Variants in TSPOAP1 observed in about 807,000 individuals in gnomAD.
The protein encoded by TSPOAP1 is TSPO associated protein 1, also known as peripheral-type benzodiazepine receptor-associated protein 1.
Under a neutral mutation model 197.0 loss-of-function variants are expected in TSPOAP1, and 87 were observed. The ratio of observed to expected loss-of-function variants is 0.44; its 90% confidence interval spans 0.37 to 0.53. TSPOAP1 has a LOEUF of 0.53. Among genes scored for constraint, TSPOAP1 ranks in the 20% least tolerant of loss-of-function variants. TSPOAP1 has a pLI of 0.00. For missense variants in TSPOAP1, 2,174 were observed against 2,411.3 expected (o/e 0.90, Z 2.06); for synonymous variants, 913 against 998.9 (o/e 0.91, Z 1.62).
intron 16 of TSPOAP1, among the ~76,000 whole-genome samples, chr17:58,314,930 C>T (rs1306367540): frequency 2.0e-5 from 3 of 152,328 alleles, no homozygotes; most frequent in South Asian, 4.1e-4. Context: ...CGGCATCTTG[C>T]CCCCGGTGGC....
chr17:58,312,463 G>A lies in TSPOAP1; in HGVS notation c.2358C>T (p.Gly786=), dbSNP rs750353041. 2.9e-5 allele frequency: 47 copies of A among 1,611,364 alleles called. 1 individual carries two copies. The South Asian group carries it at 4.5e-4, about 15-fold the overall frequency. ...GGGGGTAAGGCACGGCAGGAGGCTCGCCCAGGCCCTCCGGTGATGGGCTCA... is the reference window on the plus strand; with the variant it reads ...GGGGGTAAGGCACGGCAGGAGGCTCACCCAGGCCCTCCGGTGATGGGCTCA... ...LSLSPSPEGL[G]EPPAVPYPRR... The change falls in exon 17 of 32, where the codon GGC becomes GGT. Residue 786 remains glycine, a synonymous_variant. Transcript: ENST00000343736.
In TSPOAP1 at chr17:58,311,918, G is replaced by A; in HGVS notation, c.2903C>T (p.Thr968Ile). 1 of 1,563,628 alleles carries A rather than the reference G, an allele frequency of 6.4e-7. No homozygotes were observed. Among genetic ancestry groups the A allele is most frequent in the Non-Finnish European group, 8.7e-7 (1 of 1,154,702 alleles). ...GWERLEQRAA[T>I]LQFTTLPAGP... ...TGCTGGGAGTGTGGTGAACTGCAGG[G>A]TGGCAGCCCGCTGCTCCAGCCTCTC... The change falls in exon 17 of 32, where the codon ACC (threonine) becomes ATC (isoleucine). Residue 968 changes from threonine (T) to isoleucine (I), a missense_variant. Physicochemically the swap from Thr to Ile is moderately conservative, Grantham distance 89. Around this residue, in one of 5 missense-constraint regions of TSPOAP1, gnomAD observed 1,933 missense variants for 2,139.0 expected, o/e 0.90. Transcript: ENST00000343736.
At position 58,325,670 on chromosome 17, in the gene TSPOAP1, C is replaced by A; in HGVS notation, c.614G>T (p.Cys205Phe). Residue 205 changes from cysteine (C) to phenylalanine (F), a missense_variant, in exon 4 of 32, where the codon TGT becomes TTT. Cys to Phe is a radical substitution (Grantham distance 205). This residue lies in a region of TSPOAP1 where 1,933 missense variants were observed against 2,139.0 expected (regional missense o/e 0.90). Coordinates refer to ENST00000343736, the MANE Select transcript of TSPOAP1 (RefSeq NM_004758.4). ...LPRPGTSLEL[C>F]RKALARQRAR... Reference sequence around the variant, plus strand: ...TCGCTGGCGGGCTAGGGCCTTCCGACACAACTCCAAGCTGGTCCCCGGCCG... The same window carrying A: ...TCGCTGGCGGGCTAGGGCCTTCCGAAACAACTCCAAGCTGGTCCCCGGCCG... The A allele has an allele frequency of 6.2e-7, 1 of 1,612,964 alleles. No individual in the cohort carries two copies. The highest frequency in any genetic ancestry group is 8.5e-7 in the Non-Finnish European group (1 of 1,179,914).
chr17:58,324,795 T>G lies in TSPOAP1; in HGVS notation c.942+16A>C. On this transcript the variant is annotated intron_variant, in intron 5 of 31. Transcript: ENST00000343736. This position sits in a 1 kb window ranked among gnomAD's most constrained non-coding sequence, Gnocchi z 5.8. The stretch of plus-strand genomic sequence containing the variant: ...TCTGCACGCACCCACACACCTGCCC[T>G]TGCGCCGGCGCTCACCTCTCCCGGG... The G allele has an allele frequency of 6.9e-7, 1 of 1,445,822 alleles. No homozygotes were observed. Among genetic ancestry groups the G allele is most frequent in the South Asian group, 1.4e-5 (1 of 71,342 alleles). The allele number at this position is 1,445,822 out of a possible 1,614,324, so 89.6% of individuals were successfully genotyped here. A position where few individuals can be genotyped will look rare whatever the true frequency, so the allele number is the denominator to read the frequency against.
Position 58,322,209 on chromosome 17 carries a change from G to A in TSPOAP1, c.1422+99C>T, listed in dbSNP as rs764599319. Reference sequence around the variant, plus strand: ...CTTTGTTCCCCACAGTCTCCCCGACGCCTAGCACAGTGCCGGGCACACAGT... The same window carrying A: ...CTTTGTTCCCCACAGTCTCCCCGACACCTAGCACAGTGCCGGGCACACAGT... On this transcript the variant is annotated intron_variant, in intron 10 of 31. Coordinates refer to ENST00000343736, the MANE Select transcript of TSPOAP1 (RefSeq NM_004758.4). The surrounding 1 kb of genome is among the most constrained non-coding windows in gnomAD (Gnocchi z 5.0). 1.1e-5 allele frequency: 14 copies of A among 1,232,852 alleles called. 1 individual carries two copies. The highest frequency in any genetic ancestry group is 9.2e-5 in the South Asian group (7 of 75,754). 76.4% of individuals were successfully genotyped at this position (1,232,852 alleles called of 1,614,324 possible).
Position 58,304,213 on chromosome 17 carries a change from C to A in TSPOAP1, c.*32+125G>T. On this transcript the variant is annotated intron_variant, in intron 31 of 31. Coordinates refer to ENST00000343736, the MANE Select transcript of TSPOAP1 (RefSeq NM_004758.4). This position sits in a 1 kb window ranked among gnomAD's most constrained non-coding sequence, Gnocchi z 4.2. ...CAAATCTGGCTCATGGCAAGCTCTC[C>A]TTCGCCATTCCCTGGACTACAGTGG... 1.3e-6 allele frequency: 1 copy of A among 771,566 alleles called. No homozygotes were observed. The highest frequency in any genetic ancestry group is 2.2e-6 in the Non-Finnish European group (1 of 462,844). The allele number at this position is 771,566 out of a possible 1,614,324, so 47.8% of individuals were successfully genotyped here.
At chr17:58,310,422 G>T in intron 20 of TSPOAP1, 90 bp downstream of exon 20, 1 of 1,551,342 alleles carries the variant, frequency 6.4e-7, no homozygotes, top group Non-Finnish European at 8.8e-7. Context: ...CAGAGGACAG[G>T]CAGAGAGGGC....
In TSPOAP1 at chr17:58,326,808, C is replaced by T; in HGVS notation, c.334-18G>A. 3.1e-6 allele frequency: 5 copies of T among 1,609,636 alleles called. No homozygotes were observed. The highest frequency in any genetic ancestry group is 1.1e-5 in the South Asian group (1 of 90,994). On this transcript the variant is annotated intron_variant, in intron 1 of 31. Transcript: ENST00000343736. The surrounding 1 kb of genome is among the most constrained non-coding windows in gnomAD (Gnocchi z 4.7). ...AGCTTGGCCTGGCATGGGAAAGGAC[C>T]GAGGACAGCACCTCAGAAACCCACG...
Position 58,304,467 on chromosome 17 carries a change from A to T in TSPOAP1, c.5545-68T>A. 8.0e-6 allele frequency: 11 copies of T among 1,375,564 alleles called. No homozygotes were observed. Among genetic ancestry groups the T allele is most frequent in the East Asian group, 2.3e-5 (1 of 43,780 alleles). 85.2% of individuals were successfully genotyped at this position (1,375,564 alleles called of 1,614,324 possible). A position where few individuals can be genotyped will look rare whatever the true frequency, so the allele number is the denominator to read the frequency against. On this transcript the variant is annotated intron_variant, in intron 30 of 31. Coordinates refer to ENST00000343736, the MANE Select transcript of TSPOAP1 (RefSeq NM_004758.4). This position sits in a 1 kb window ranked among gnomAD's most constrained non-coding sequence, Gnocchi z 4.2. ...CCCGCACCTTCTCCGCCCGGCCACC[A>T]GGTGGCCCTGCGCAGGGGTGGGCCC...
chr17:58,325,496 G>A (rs1235037738), intron 4 of TSPOAP1, 38 bp downstream of exon 4: 4 of 1,609,410 alleles, frequency 2.5e-6, no homozygotes, highest in Non-Finnish European at 3.4e-6. Context: ...GCCCTGTGCA[G>A]GGCTGAGCTG....
intron 24 of TSPOAP1, 25 bp from the exon 25 acceptor site, chr17:58,306,993 G>A (rs557274611): frequency 1.2e-6 from 2 of 1,606,304 alleles, no homozygotes; most frequent in East Asian, 2.2e-5. Context: ...AGTGGTCTCA[G>A]CCAGTTCTGC....
Position 58,310,550 on chromosome 17 carries a change from C to G in TSPOAP1, c.3661G>C (p.Gly1221Arg). Residue 1221 changes from glycine to arginine, a missense_variant, in exon 20 of 32, where the codon GGA becomes CGA. Physicochemically the swap from Gly to Arg is moderately radical, Grantham distance 125. Coordinates refer to ENST00000343736, the MANE Select transcript of TSPOAP1 (RefSeq NM_004758.4). ...CTCAGCCCAGACCCTGGGTCTCCTC[C>G]TTGGCACATCTCGGTATTTGGCGCC... ...QQAPNTEMCQGGDPGSGLRPR... is the reference protein window; with the variant it reads ...QQAPNTEMCQRGDPGSGLRPR... 6.2e-7 allele frequency: 1 copy of G among 1,613,498 alleles called. No homozygotes were observed. Among genetic ancestry groups the G allele is most frequent in the Middle Eastern group, 1.6e-4 (1 of 6,062 alleles).
chr17:58,324,868 G>C lies in TSPOAP1; in HGVS notation c.885C>G (p.Pro295=), dbSNP rs1365963319. The change falls in exon 5 of 32, where the codon CCC becomes CCG. Residue 295 remains proline (P), a synonymous_variant. Coordinates refer to ENST00000343736, the MANE Select transcript of TSPOAP1 (RefSeq NM_004758.4). The surrounding 1 kb of genome is among the most constrained non-coding windows in gnomAD (Gnocchi z 5.8). ...RETLPLPPSW[P]PGPALQARAG... ...CTCTGGCCTGGAGAGCAGGGCCCGG[G>C]GGCCAGGACGGCGGGAGCGGGAGCG... 3 of 1,530,312 alleles carry C rather than the reference G, an allele frequency of 2.0e-6. No individual in the cohort carries two copies. In the African/African-American group the frequency reaches 4.1e-5, roughly 21 times the overall value. The allele number at this position is 1,530,312 out of a possible 1,614,324, so 94.8% of individuals were successfully genotyped here.
chr17:58,305,273 C>G, intron 29 of TSPOAP1, 102 bp from the exon 30 acceptor site: 1 of 1,493,640 alleles, frequency 6.7e-7, no homozygotes, highest in East Asian at 2.3e-5. Flanking sequence ...AAACCACTGT[C>G]CAGGGAGGTG....
At position 58,326,712 on chromosome 17, in the gene TSPOAP1, C is replaced by T. The variant is rs761494665; in HGVS notation, c.412G>A (p.Ala138Thr). ...RALGELRQRC[A>T]ILKEENQMLR... Reference sequence around the variant, plus strand: ...ATCTGGTTTTCCTCCTTAAGGATGGCACAGCGCTGCCGCAGCTCCCCCAGG... The same window carrying T: ...ATCTGGTTTTCCTCCTTAAGGATGGTACAGCGCTGCCGCAGCTCCCCCAGG... The change falls in exon 2 of 32, where the codon GCC becomes ACC. Residue 138 changes from alanine (A) to threonine (T), a missense_variant. Physicochemically the swap from Ala to Thr is moderately conservative, Grantham distance 58. This residue lies in a region of TSPOAP1 where 1,933 missense variants were observed against 2,139.0 expected (regional missense o/e 0.90). Transcript: ENST00000343736. The surrounding 1 kb of genome is among the most constrained non-coding windows in gnomAD (Gnocchi z 4.7). 15 of 1,613,982 alleles carry T rather than the reference C, an allele frequency of 9.3e-6. No individual in the cohort carries two copies. The Admixed American group carries it at 2.5e-4, about 27-fold the overall frequency.
At position 58,326,332 on chromosome 17, in the gene TSPOAP1, C is replaced by T. The variant is rs1328106860; in HGVS notation, c.531G>A (p.Glu177=). 6.2e-7 allele frequency: 1 copy of T among 1,614,148 alleles called. No homozygotes were observed. The highest frequency in any genetic ancestry group is 8.5e-7 in the Non-Finnish European group (1 of 1,180,024). Residue 177 remains glutamate (E), a synonymous_variant, in exon 3 of 32, where the codon GAG becomes GAA. Coordinates refer to ENST00000343736, the MANE Select transcript of TSPOAP1 (RefSeq NM_004758.4). The surrounding 1 kb of genome is among the most constrained non-coding windows in gnomAD (Gnocchi z 4.7). ...TTTCCTGCAGCTTTCGGGCCCTCTC[C>T]TCCAGGCGCTTGGCAATGACCGCCA... ...AELAVIAKRL[E]ERARKLQETN...
Position 58,324,848 on chromosome 17 carries a change from G to C in TSPOAP1, c.905C>G (p.Ala302Gly). Reference protein sequence around the residue: ...PSWPPGPALQARAGAPAPGAP... With the variant: ...PSWPPGPALQGRAGAPAPGAP... ...CCCGGGAGCAGGCGCCCCTGCTCTG[G>C]CCTGGAGAGCAGGGCCCGGGGGCCA... The change falls in exon 5 of 32, where the codon GCC (alanine) becomes GGC (glycine). Residue 302 changes from alanine to glycine, a missense_variant. Coordinates refer to ENST00000343736, the MANE Select transcript of TSPOAP1 (RefSeq NM_004758.4). This position sits in a 1 kb window ranked among gnomAD's most constrained non-coding sequence, Gnocchi z 5.8. 6.6e-7 allele frequency: 1 copy of C among 1,525,514 alleles called. No homozygotes were observed. Among genetic ancestry groups the C allele is most frequent in the Middle Eastern group, 2.1e-4 (1 of 4,752 alleles). 94.5% of individuals were successfully genotyped at this position (1,525,514 alleles called of 1,614,324 possible).
At position 58,304,315 on chromosome 17, in the gene TSPOAP1, C is replaced by T; in HGVS notation, c.*32+23G>A. Reference sequence around the variant, plus strand: ...GGTCAAGTGGGGGTGGACGGTCACACAGGGGGGCAGTCCCCCACTTACATG... The same window carrying T: ...GGTCAAGTGGGGGTGGACGGTCACATAGGGGGGCAGTCCCCCACTTACATG... On this transcript the variant is annotated intron_variant, in intron 31 of 31. Transcript: ENST00000343736. This position sits in a 1 kb window ranked among gnomAD's most constrained non-coding sequence, Gnocchi z 4.2. The T allele has an allele frequency of 1.2e-6, 2 of 1,601,488 alleles. No individual in the cohort carries two copies. Among genetic ancestry groups the T allele is most frequent in the Non-Finnish European group, 1.7e-6 (2 of 1,168,910 alleles).
intron 25 of TSPOAP1, 131 bp downstream of exon 25, chr17:58,306,669 T>TCAAGGCAGGCTC: frequency 1.6e-6 from 2 of 1,221,720 alleles, no homozygotes; most frequent in Non-Finnish European, 2.3e-6. Flanking sequence ...GCAGCAGGGT[T>TCAAGGCAGGCTC]CAAGGCAGGC....
Sources: gnomAD v4.1 joint callset for allele counts (sites outside exome capture counted in the v4.1 genomes callset) on GRCh38, gnomAD v4.1.1 for gene constraint, gnomAD v4.1.1 regional missense constraint, Gnocchi (gnomAD v3.1) non-coding constraint, MANE v1.5 for transcripts, NCBI Gene and HGNC (gene_info 2026-07-23, HGNC 2026-07-21) for gene names.